NPIPB2: variants seen among roughly 807,000 people sequenced by gnomAD.
The protein encoded by NPIPB2 is nuclear pore complex-interacting protein family member B2.
Under a neutral mutation model 30.8 loss-of-function variants are expected in NPIPB2, and 27 were observed. That is an observed-to-expected ratio of 0.88 (90% CI 0.65 to 1.21). The LOEUF is 1.21. Ranked by LOEUF, NPIPB2 falls within the 50% of genes most tolerant of loss-of-function variation. The pLI, the probability that NPIPB2 is intolerant of heterozygous loss-of-function variation, is 0.00. For synonymous variants in NPIPB2, 147 were observed against 162.0 expected, an observed-to-expected ratio of 0.91 and a Z score of 0.70; for missense variants, 440 against 446.2, an observed-to-expected ratio of 0.99 and a Z score of 0.13.
intron 1 of NPIPB2, among the ~76,000 whole-genome samples, chr16:11,958,290 G>A (rs1043349329): frequency 6.6e-6 from 1 of 151,960 alleles, no homozygotes; most frequent in Non-Finnish European, 1.5e-5. Flanking sequence ...GCTGGGCGTG[G>A]TGGGTGGGTG....
At chr16:11,967,529 C>T (rs749259601) in intron 1 of NPIPB2, 6 of 1,585,580 alleles carry the variant, frequency 3.8e-6, no homozygotes, top group Non-Finnish European at 5.2e-6. Flanking sequence ...ACCACATTCT[C>T]TGTGAAGTTT....
chr16:11,965,899 C>T (rs998304371), intron 1 of NPIPB2, among the ~76,000 whole-genome samples: 12 of 152,082 alleles, frequency 7.9e-5, no homozygotes, highest in African/African-American at 9.7e-5. Context: ...CACCTGAGGT[C>T]GGCAGTTTGA....
intron 1 of NPIPB2, among the ~76,000 whole-genome samples, chr16:11,949,954 A>G (rs1352589306): frequency 6.6e-6 from 1 of 152,210 alleles, no homozygotes; most frequent in East Asian, 1.9e-4. Flanking sequence ...CTTAACAGGA[A>G]TATCTGGTTC....
intron 1 of NPIPB2, among the ~76,000 whole-genome samples, chr16:11,972,330 C>T (rs911666293): frequency 6.6e-6 from 1 of 152,206 alleles, no homozygotes; most frequent in African/African-American, 2.4e-5. Flanking sequence ...AATTCCAGCA[C>T]TATGGGAGGC....
intron 1 of NPIPB2, chr16:11,941,328 C>T (rs1208935130): frequency 6.7e-5 from 36 of 539,328 alleles, no homozygotes; most frequent in African/African-American, 4.0e-4. Flanking sequence ...GGACAGGGAC[C>T]GGGCCGGATC....
chr16:11,965,333 G>C, intron 1 of NPIPB2: 1 of 1,614,144 alleles, frequency 6.2e-7, no homozygotes, highest in African/African-American at 1.3e-5. Context: ...TCATGTTGCA[G>C]ATGGCTGGGC....
chr16:11,964,417 A>AT (rs879936722), intron 1 of NPIPB2, among the ~76,000 whole-genome samples: 192 of 144,090 alleles, frequency 1.3e-3, no homozygotes, highest in South Asian at 5.3e-3. Context: ...TTCCTGTAGA[A>AT]TTTTTTTTTT....
At chr16:11,949,172 G>A (rs2055041696) in intron 1 of NPIPB2, among the ~76,000 whole-genome samples, 1 of 152,126 alleles carries the variant, frequency 6.6e-6, no homozygotes, top group South Asian at 2.1e-4. Context: ...AAGAAAAAGA[G>A]AGAGAAAGGC....
chr16:11,967,673 C>T, intron 1 of NPIPB2: 1 of 1,614,136 alleles, frequency 6.2e-7, no homozygotes, highest in Non-Finnish European at 8.5e-7. Context: ...AAGAATGCAC[C>T]TGTGAAGACT....
chr16:11,958,329 G>C (rs2055129954), intron 1 of NPIPB2, among the ~76,000 whole-genome samples: 1 of 151,900 alleles, frequency 6.6e-6, no homozygotes, highest in Admixed American at 6.6e-5. Context: ...CAGGAAGGCT[G>C]AGGCAGGAGA....
chr16:11,944,168 G>A (rs926250030), upstream of NPIPB2, among the ~76,000 whole-genome samples: 5 of 150,536 alleles, frequency 3.3e-5, no homozygotes, highest in Admixed American at 3.3e-4. Context: ...ATGATAAACT[G>A]GATTTTTTTT....
chr16:11,967,839 G>T lies in NPIPB2; in HGVS notation c.-584+8729C>A, dbSNP rs943184077. 8.1e-6 allele frequency: 13 copies of T among 1,613,510 alleles called. No homozygotes were observed. The highest frequency in any genetic ancestry group is 1.1e-5 in the Non-Finnish European group (13 of 1,179,694). On this transcript the variant is annotated intron_variant, in intron 1 of 5. Coordinates refer to the NPIPB2 transcript ENST00000538896. Reference sequence around the variant, plus strand: ...TACGGAGATAGAGAAATCAATTTCTGCTAGGTAATTAACCATTTCGACTCG... The same window carrying T: ...TACGGAGATAGAGAAATCAATTTCTTCTAGGTAATTAACCATTTCGACTCG...
At chr16:11,971,401 G>A (rs896288128) in intron 1 of NPIPB2, among the ~76,000 whole-genome samples, 11 of 150,016 alleles carry the variant, frequency 7.3e-5, no homozygotes, top group Non-Finnish European at 1.6e-4. Context: ...ACACTGGTTC[G>A]GTCCAGAAAG....
At chr16:11,961,251 G>C (rs930094721) in intron 1 of NPIPB2, among the ~76,000 whole-genome samples, 6 of 152,090 alleles carry the variant, frequency 3.9e-5, no homozygotes, top group Non-Finnish European at 8.8e-5. Flanking sequence ...CAATCTGGCA[G>C]AGGCTGAGGG....
chr16:11,947,595 C>T (rs1373287901), intron 1 of NPIPB2, among the ~76,000 whole-genome samples: 1 of 151,846 alleles, frequency 6.6e-6, no homozygotes, highest in Non-Finnish European at 1.5e-5. Flanking sequence ...CTGCCCACCT[C>T]GGCCTCCCAA....
intron 1 of NPIPB2, among the ~76,000 whole-genome samples, chr16:11,954,122 G>C (rs2055090650): frequency 6.6e-6 from 1 of 151,974 alleles, no homozygotes; most frequent in African/African-American, 2.4e-5. Context: ...TAAAAACCCA[G>C]CTCTTTCTAG....
At chr16:11,973,612 G>C (rs1205795696) in intron 1 of NPIPB2, among the ~76,000 whole-genome samples, 8 of 152,260 alleles carry the variant, frequency 5.3e-5, no homozygotes, top group Middle Eastern at 6.8e-3. Flanking sequence ...TTGTTGCCCA[G>C]GTTGGAGTGC....
rs564981421 is a variant in NPIPB2, at chr16:11,954,677, G to T, written c.-583-12563C>A. ...AATCCCAGCACTTTGGGAGGCCGAGGCGGTAGGATCACGAGGTCAGGAGAT... is the reference window on the plus strand; with the variant it reads ...AATCCCAGCACTTTGGGAGGCCGAGTCGGTAGGATCACGAGGTCAGGAGAT... On this transcript the variant is annotated intron_variant, in intron 1 of 5. Transcript: ENST00000538896. 7.2e-5 allele frequency among the ~76,000 whole-genome samples: 11 copies of T among 151,972 alleles called. No individual in the cohort carries two copies. In the East Asian group the frequency reaches 1.9e-3, roughly 27 times the overall value.
At chr16:11,961,505 C>A (rs373465744) in intron 1 of NPIPB2, among the ~76,000 whole-genome samples, 1 of 152,100 alleles carries the variant, frequency 6.6e-6, no homozygotes, top group African/African-American at 2.4e-5. Context: ...AGAGGCCAGG[C>A]GCAGTGGCTC....
Sources: gnomAD v4.1 joint callset for allele counts (sites outside exome capture counted in the v4.1 genomes callset) on GRCh38, gnomAD v4.1.1 for gene constraint, MANE v1.5 for transcripts, NCBI Gene and HGNC (gene_info 2026-07-23, HGNC 2026-07-21) for gene names.